ILDR2: variants seen among roughly 807,000 people sequenced by gnomAD.
The protein encoded by ILDR2 is immunoglobulin-like domain-containing receptor 2.
In ILDR2, 25 loss-of-function variants were observed where a neutral mutation model predicts 66.8. The observed-to-expected ratio is 0.37, with a 90% CI of 0.27 to 0.52. ILDR2 has a LOEUF of 0.52. Ranked by LOEUF, ILDR2 falls within the 20% of genes least tolerant of loss-of-function variation. The pLI is 0.88. For missense variants in ILDR2, 827 were observed against 876.8 expected (o/e 0.94, Z 0.72); for synonymous variants, 367 against 357.2 (o/e 1.03, Z -0.31).
intron 7 of ILDR2, 89 bp downstream of exon 7, chr1:166,926,978 G>A (rs1660338798): frequency 1.2e-6 from 1 of 814,222 alleles, no homozygotes; most frequent in Admixed American, 2.4e-5. Context: ...TGCAAGCTCA[G>A]GGCTGCCCAA....
chr1:166,900,901 A>G (rs1484910337), intron 2 of ILDR2, among the ~76,000 whole-genome samples: 1 of 152,176 alleles, frequency 6.6e-6, no homozygotes, highest in Non-Finnish European at 1.5e-5. Flanking sequence ...TTAAATGAAA[A>G]ATTGCTTGCT....
chr1:166,895,714 A>G (rs1659151708), exon 3 of ILDR2: 1 of 152,226 alleles, frequency 6.6e-6, no homozygotes, highest in South Asian at 2.1e-4. Context: ...AGAAAAGCAT[A>G]TACATTTATT....
In ILDR2 at chr1:166,911,471, T is replaced by A. The variant is rs1274533565; in HGVS notation, c.*7884A>T. On this transcript the variant is annotated 3_prime_UTR_variant, in exon 10 of 10. Coordinates refer to ENST00000271417, the MANE Select transcript of ILDR2 (RefSeq NM_199351.3). ...TTGACTGGCACAATGTAATATGGCA[T>A]TGCACCACACATGAGCTTAAAATAA... 3 of 152,214 alleles carry A rather than the reference T, an allele frequency of 2.0e-5. No individual in the cohort carries two copies. In the Middle Eastern group the frequency reaches 0.01, roughly 518 times the overall value. 9.4% of individuals were successfully genotyped at this position (152,214 alleles called of 1,614,324 possible). A position where few individuals can be genotyped will look rare whatever the true frequency, so the allele number is the denominator to read the frequency against.
intron 1 of ILDR2, among the ~76,000 whole-genome samples, chr1:166,961,023 T>G (rs1662581019): frequency 6.6e-6 from 1 of 152,232 alleles, no homozygotes; most frequent in Non-Finnish European, 1.5e-5. Flanking sequence ...TACAAGGCTG[T>G]GTGCTTGACC....
chr1:166,937,291 T>A (rs1320044927), intron 4 of ILDR2, among the ~76,000 whole-genome samples: 1 of 152,236 alleles, frequency 6.6e-6, no homozygotes, highest in African/African-American at 2.4e-5. Flanking sequence ...CTTTCCCTGC[T>A]GACTGTCCCT....
rs1010331464 is a variant in ILDR2, at chr1:166,921,866, G to A, written c.1212-487C>T. ...GGAGAAGGACACTTGCAATTTGTAAGGGAAAGGCAATGTTCACTGTCTTTT... is the reference window on the plus strand; with the variant it reads ...GGAGAAGGACACTTGCAATTTGTAAAGGAAAGGCAATGTTCACTGTCTTTT... On this transcript the variant is annotated intron_variant, in intron 8 of 9. Transcript: ENST00000271417. This position sits in a 1 kb window ranked among gnomAD's most constrained non-coding sequence, Gnocchi z 5.3. 1.3e-5 allele frequency among the ~76,000 whole-genome samples: 2 copies of A among 152,156 alleles called. No homozygotes were observed. The highest frequency in any genetic ancestry group is 2.4e-5 in the African/African-American group (1 of 41,436).
chr1:166,907,113 G>A (rs1659364377), downstream of ILDR2: 1 of 152,128 alleles, frequency 6.6e-6, no homozygotes, highest in South Asian at 2.1e-4. Flanking sequence ...AGGATAATTT[G>A]GCAGCATTAT....
At chr1:166,970,516 C>G (rs896115329) in intron 1 of ILDR2, among the ~76,000 whole-genome samples, 1 of 152,070 alleles carries the variant, frequency 6.6e-6, no homozygotes, top group African/African-American at 2.4e-5. Flanking sequence ...TATTTAAGAC[C>G]AAGATCCAAA....
chr1:166,935,405 A>G lies in ILDR2; in HGVS notation c.776T>C (p.Ile259Thr), dbSNP rs1294561859. ...GGCTCCTCCCAAAGGGACAGAGGGG[A>G]TGGAGTAAGGGCCGGGGACACCGGA... The part of the protein sequence containing the change: ...SVSGVPGPYS[I>T]PSVPLGGAPS... Residue 259 changes from isoleucine to threonine, a missense_variant, in exon 6 of 10, where the codon ATC (isoleucine) becomes ACC (threonine). Ile to Thr is a moderately conservative substitution (Grantham distance 89). Transcript: ENST00000271417. 6.2e-7 allele frequency: 1 copy of G among 1,613,878 alleles called. No homozygotes were observed.
chr1:166,919,073 G>C lies in ILDR2; in HGVS notation c.*282C>G. The C allele has an allele frequency of 2.1e-6, 1 of 470,952 alleles. No individual in the cohort carries two copies. Among genetic ancestry groups the C allele is most frequent in the East Asian group, 3.2e-5 (1 of 31,712 alleles). 29.2% of individuals were successfully genotyped at this position (470,952 alleles called of 1,614,324 possible). On this transcript the variant is annotated 3_prime_UTR_variant, in exon 10 of 10. Coordinates refer to ENST00000271417, the MANE Select transcript of ILDR2 (RefSeq NM_199351.3). ...TGGAGTCCTGGTTCTGTTAAGGGAG[G>C]AGGCTGGGCAGGATAAACGCTATAG...
intron 3 of ILDR2, among the ~76,000 whole-genome samples, 172 bp downstream of exon 3, chr1:166,956,561 A>G (rs891896841): frequency 2.0e-5 from 3 of 152,208 alleles, no homozygotes; most frequent in East Asian, 1.9e-4. Flanking sequence ...GTAAGACATA[A>G]TAAGTACAGC....
Position 166,922,562 on chromosome 1 carries a change from A to G in ILDR2, c.1211+31T>C, listed in dbSNP as rs1283677513. On this transcript the variant is annotated intron_variant, in intron 8 of 9. Transcript: ENST00000271417. Reference sequence around the variant, plus strand: ...TGCCTTCCAGCTCCTGCCCCCTCACACCGACCAGACCTGCCCCTCACAGCC... The same window carrying G: ...TGCCTTCCAGCTCCTGCCCCCTCACGCCGACCAGACCTGCCCCTCACAGCC... The G allele has an allele frequency of 1.9e-6, 3 of 1,593,812 alleles. No homozygotes were observed. The African/African-American group carries it at 4.0e-5, about 21-fold the overall frequency.
chr1:166,899,210 T>G (rs575806960), intron 2 of ILDR2, among the ~76,000 whole-genome samples: 1 of 152,092 alleles, frequency 6.6e-6, no homozygotes, highest in African/African-American at 2.4e-5. Flanking sequence ...CTGACCAATA[T>G]GGTGAAACTC....
At position 166,956,831 on chromosome 1, in the gene ILDR2, T is replaced by C. The variant is rs866408163; in HGVS notation, c.401A>G (p.Lys134Arg). 1 of 1,613,710 alleles carries C rather than the reference T, an allele frequency of 6.2e-7. No individual in the cohort carries two copies. Among genetic ancestry groups the C allele is most frequent in the South Asian group, 1.1e-5 (1 of 90,992 alleles). ...GAGTCCGCTGTCTCCCCACATAAGC[T>C]TTCCAATTTGAAGATCTGCATCTGT... is the stretch of plus-strand genomic sequence containing the variant. ...IVHDADLQIG[K>R]LMWGDSGLYY... Residue 134 changes from lysine to arginine, a missense_variant, in exon 3 of 10, where the codon AAG becomes AGG. Physicochemically the swap from Lys to Arg is conservative, Grantham distance 26 (BLOSUM62 2). Coordinates refer to ENST00000271417, the MANE Select transcript of ILDR2 (RefSeq NM_199351.3).
intron 4 of ILDR2, among the ~76,000 whole-genome samples, chr1:166,937,646 C>T (rs560444568): frequency 7.3e-4 from 111 of 152,306 alleles, no homozygotes; most frequent in African/African-American, 2.5e-3. Flanking sequence ...AAACAAATTG[C>T]GAGTGGCTTA....
chr1:166,922,657 C>G lies in ILDR2; in HGVS notation c.1147G>C (p.Gly383Arg), dbSNP rs1660022831. 1 of 1,614,202 alleles carries G rather than the reference C, an allele frequency of 6.2e-7. No individual in the cohort carries two copies. The highest frequency in any genetic ancestry group is 1.3e-5 in the African/African-American group (1 of 75,050). ...ATGGCTGAGGGCCCGCGGCTTGCCC[C>G]ACTGCTGCCTCCCATGACACCTGAC... The part of the protein sequence containing the change: ...YWSGVMGGSS[G>R]ASRGPSAMEY... The change falls in exon 8 of 10, where the codon GGG becomes CGG. Residue 383 changes from glycine to arginine, a missense_variant. Gly to Arg is a moderately radical substitution (Grantham distance 125). Transcript: ENST00000271417.
chr1:166,953,964 C>G (rs1662130388), intron 3 of ILDR2, among the ~76,000 whole-genome samples: 1 of 152,208 alleles, frequency 6.6e-6, no homozygotes, highest in Non-Finnish European at 1.5e-5. Context: ...GATAGACTCC[C>G]TCCCTTTGTT....
chr1:166,963,586 T>G (rs1662752185), intron 1 of ILDR2, among the ~76,000 whole-genome samples: 1 of 152,148 alleles, frequency 6.6e-6, no homozygotes, highest in African/African-American at 2.4e-5. Flanking sequence ...TTTTCTAGAA[T>G]ACCGTTTTTA....
rs371159340 is a variant in ILDR2 at position 166,965,148 on chromosome 1, A to G, written c.47-7047T>C. Among the ~76,000 whole-genome samples the G allele has an allele frequency of 1.1e-3, 174 of 152,284 alleles. 3 individuals carry two copies. In the South Asian group the frequency reaches 0.035, roughly 31 times the overall value. On this transcript the variant is annotated intron_variant, in intron 1 of 9. Transcript: ENST00000271417. ...TTCCTCAGCATACCTTGGCCTTCAG[A>G]TTCTTTCTTCATTCAGTATAACAAT...
Sources: gnomAD v4.1 joint callset for allele counts (sites outside exome capture counted in the v4.1 genomes callset) on GRCh38, gnomAD v4.1.1 for gene constraint, Gnocchi (gnomAD v3.1) non-coding constraint, MANE v1.5 for transcripts, NCBI Gene and HGNC (gene_info 2026-07-23, HGNC 2026-07-21) for gene names.